DBH: variants seen among roughly 807,000 people sequenced by gnomAD.
DBH encodes dopamine beta-hydroxylase (dopamine beta-monooxygenase).
Under a neutral mutation model 64.0 loss-of-function variants are expected in DBH, and 49 were observed. The observed-to-expected ratio is 0.77, with a 90% CI of 0.61 to 0.97. The LOEUF is 0.97. DBH is among the 50% of genes least tolerant of loss of function. The probability of loss-of-function intolerance (pLI) is 0.00; values close to 1 mark genes in which losing one functional copy is unlikely to be tolerated. For synonymous variants in DBH, 343 were observed against 347.1 expected (o/e 0.99, Z 0.13); for missense variants, 828 against 826.6 (o/e 1.00, Z -0.02).
In DBH at chr9:133,636,628, T is replaced by C. The variant is rs1201340569; in HGVS notation, c.257T>C (p.Leu86Pro). ...GTGCGGAGGCTCAAGGCTGGCGTCC[T>C]GTTTGGGATGTCCGACCGTGGCGAG... ...LLVRRLKAGV[L>P]FGMSDRGELE... The change falls in exon 1 of 12, where the codon CTG becomes CCG. Residue 86 changes from leucine to proline, a missense_variant. Leu to Pro is a moderately conservative substitution (Grantham distance 98). Transcript: ENST00000393056. 1 of 1,613,374 alleles carries C rather than the reference T, an allele frequency of 6.2e-7. No homozygotes were observed. The highest frequency in any genetic ancestry group is 8.5e-7 in the Non-Finnish European group (1 of 1,180,016).
chr9:133,652,174 C>T, intron 7 of DBH, 72 bp from the exon 8 acceptor site: 1 of 1,576,334 alleles, frequency 6.3e-7, no homozygotes, highest in Middle Eastern at 1.7e-4. Flanking sequence ...AGGGAGGACA[C>T]AGTGGCCGGG....
In DBH at chr9:133,652,275, G is replaced by A. The variant is rs369001369; in HGVS notation, c.1365G>A (p.Ser455=). The A allele has an allele frequency of 9.3e-6, 15 of 1,613,504 alleles. No homozygotes were observed. The highest frequency in any genetic ancestry group is 5.3e-5 in the African/African-American group (4 of 75,032). ...QEIRMLKKVV[S]VHPGDVLITS... Reference sequence around the variant, plus strand: ...TCCGCATGTTGAAGAAGGTCGTGTCGGTCCATCCGGTGAGTGCCCAGCGGG... The same window carrying A: ...TCCGCATGTTGAAGAAGGTCGTGTCAGTCCATCCGGTGAGTGCCCAGCGGG... The change falls in exon 8 of 12, where the codon TCG becomes TCA. Residue 455 remains serine, a synonymous_variant. Coordinates refer to ENST00000393056, the MANE Select transcript of DBH (RefSeq NM_000787.4).
chr9:133,656,513 C>T lies in DBH; in HGVS notation c.1435-10C>T, dbSNP rs765523765. 5.6e-6 allele frequency: 9 copies of T among 1,613,738 alleles called. No homozygotes were observed. The highest frequency in any genetic ancestry group is 6.8e-6 in the Non-Finnish European group (8 of 1,179,980). On this transcript the variant is annotated splice_polypyrimidine_tract_variant and intron_variant, in intron 9 of 11. Coordinates refer to ENST00000393056, the MANE Select transcript of DBH (RefSeq NM_000787.4). Reference sequence around the variant, plus strand: ...TGGCCCGGGGCTGACGGGTCTCCTCCAACTTGCAGGGGGGCTTCGGGATCC... The same window carrying T: ...TGGCCCGGGGCTGACGGGTCTCCTCTAACTTGCAGGGGGGCTTCGGGATCC...
intron 6 of DBH, 57 bp from the exon 7 acceptor site, chr9:133,651,577 G>T (rs1832248326): frequency 6.2e-7 from 1 of 1,609,268 alleles, no homozygotes. Context: ...CCTGGCCATG[G>T]ACGGGAGGGT....
Position 133,643,632 on chromosome 9 carries a change from C to T in DBH, c.921+43C>T, listed in dbSNP as rs1311154908. 6.2e-7 allele frequency: 1 copy of T among 1,602,806 alleles called. No individual in the cohort carries two copies. The highest frequency in any genetic ancestry group is 8.5e-7 in the Non-Finnish European group (1 of 1,172,714). ...CCAGCATGGTGTCTCCTGCCTGGGC[C>T]CCTGGCATCCCCACACCTCTGTTTC... is the stretch of plus-strand genomic sequence containing the variant. On this transcript the variant is annotated intron_variant, in intron 4 of 11. Coordinates refer to ENST00000393056, the MANE Select transcript of DBH (RefSeq NM_000787.4). This position sits in a 1 kb window ranked among gnomAD's most constrained non-coding sequence, Gnocchi z 5.3.
intron 6 of DBH, 94 bp downstream of exon 6, chr9:133,648,106 C>G (rs1371659893): frequency 2.1e-6 from 3 of 1,426,246 alleles, no homozygotes; most frequent in Middle Eastern, 2.4e-4. Flanking sequence ...GTGGCAGGCA[C>G]AGCTTTGGTT....
At chr9:133,658,266 C>A in intron 11 of DBH, 50 bp from the exon 12 acceptor site, 1 of 1,609,402 alleles carries the variant, frequency 6.2e-7, no homozygotes, top group Non-Finnish European at 8.5e-7. Flanking sequence ...GAAGCAGCCA[C>A]CCATCTTGCC....
intron 5 of DBH, among the ~76,000 whole-genome samples, 166 bp downstream of exon 5, chr9:133,644,486 TG>T (rs761821820): frequency 5.9e-5 from 9 of 152,360 alleles, no homozygotes; most frequent in East Asian, 3.9e-4. Flanking sequence ...CTTCCATGGC[TG>T]TGGTGGGCTC....
chr9:133,656,302 C>T, intron 9 of DBH: 2 of 578,462 alleles, frequency 3.5e-6, no homozygotes, highest in Non-Finnish European at 6.3e-6. Context: ...ATCATCAGTA[C>T]CTGATACGAA....
chr9:133,643,172 C>T lies in DBH; in HGVS notation c.745-241C>T, dbSNP rs561219468. Among the ~76,000 whole-genome samples, 10 of 140,220 alleles carry T rather than the reference C, an allele frequency of 7.1e-5. No individual in the cohort carries two copies. The highest frequency in any genetic ancestry group is 2.2e-4 in the South Asian group (1 of 4,562). 92.0% of individuals were successfully genotyped at this position (140,220 alleles called of 152,430 possible). On this transcript the variant is annotated intron_variant, in intron 3 of 11. Coordinates refer to ENST00000393056, the MANE Select transcript of DBH (RefSeq NM_000787.4). The surrounding 1 kb of genome is among the most constrained non-coding windows in gnomAD (Gnocchi z 5.3). ...AGCCCCATATGCATGAGGACGGCTGCGTCCTGTCCCTGCCTTGGCCTGTAC... is the reference window on the plus strand; with the variant it reads ...AGCCCCATATGCATGAGGACGGCTGTGTCCTGTCCCTGCCTTGGCCTGTAC...
chr9:133,653,195 C>T (rs777805854), intron 9 of DBH, among the ~76,000 whole-genome samples, 196 bp downstream of exon 9: 4 of 152,118 alleles, frequency 2.6e-5, no homozygotes, highest in Non-Finnish European at 4.4e-5. Context: ...TCCTGGGTGC[C>T]ACCCCAGGCC....
Position 133,658,177 on chromosome 9 carries a change from G to C in DBH, c.1723-139G>C, listed in dbSNP as rs1398410025. The C allele has an allele frequency of 4.3e-6, 5 of 1,170,812 alleles. No individual in the cohort carries two copies. The East Asian group carries it at 7.2e-5, about 17-fold the overall frequency. The allele number at this position is 1,170,812 out of a possible 1,614,324, so 72.5% of individuals were successfully genotyped here. A position where few individuals can be genotyped will look rare whatever the true frequency, so the allele number is the denominator to read the frequency against. On this transcript the variant is annotated intron_variant, in intron 11 of 11. Coordinates refer to ENST00000393056, the MANE Select transcript of DBH (RefSeq NM_000787.4). ...GGTGAGGACCCCCAAAAAGCAACTTGGGGGAGCAGAGTGAGTTCAGTTTGA... is the reference window on the plus strand; with the variant it reads ...GGTGAGGACCCCCAAAAAGCAACTTCGGGGAGCAGAGTGAGTTCAGTTTGA...
intron 5 of DBH, among the ~76,000 whole-genome samples, chr9:133,647,427 C>T (rs577693733): frequency 2.0e-5 from 3 of 152,296 alleles, no homozygotes; most frequent in South Asian, 2.1e-4. Context: ...TTCCTTTGAA[C>T]GTGGAAGAAG....
intron 7 of DBH, 124 bp from the exon 8 acceptor site, chr9:133,652,122 G>A (rs1396461708): frequency 1.8e-6 from 2 of 1,115,444 alleles, no homozygotes; most frequent in African/African-American, 1.5e-5. Flanking sequence ...CCACTGTAGA[G>A]GCTGGGGCAA....
chr9:133,650,472 TTC>T (rs1485999123), intron 6 of DBH, among the ~76,000 whole-genome samples: 4 of 148,572 alleles, frequency 2.7e-5, no homozygotes, highest in African/African-American at 7.8e-5. Context: ...TTCTTTTTCT[TTC>T]TTTTTCTTTT....
rs368069913 is a variant in DBH, at chr9:133,648,004, A to G, written c.1183A>G (p.Thr395Ala). Reference sequence around the variant, plus strand: ...CACTGGCTACTGCACGGACAAGTGCACCCAGCTGGTGAGTGGGGCTGGGCC... The same window carrying G: ...CACTGGCTACTGCACGGACAAGTGCGCCCAGCTGGTGAGTGGGGCTGGGCC... ...ILTGYCTDKC[T>A]QLALPPSGIH... is the part of the protein sequence containing the mutation. Residue 395 changes from threonine to alanine, a missense_variant, in exon 6 of 12, where the codon ACC (threonine) becomes GCC (alanine). Transcript: ENST00000393056. 3.1e-6 allele frequency: 5 copies of G among 1,612,018 alleles called. No homozygotes were observed. The highest frequency in any genetic ancestry group is 1.3e-5 in the African/African-American group (1 of 74,910).
At chr9:133,645,149 C>T (rs1832168079) in intron 5 of DBH, among the ~76,000 whole-genome samples, 1 of 152,160 alleles carries the variant, frequency 6.6e-6, no homozygotes, top group African/African-American at 2.4e-5. Context: ...TGCCTGTTCT[C>T]CCACCTCCCA....
chr9:133,637,795 G>A (rs1832070294), intron 1 of DBH, among the ~76,000 whole-genome samples: 2 of 152,218 alleles, frequency 1.3e-5, no homozygotes, highest in Admixed American at 6.5e-5. Flanking sequence ...TGCCTGTGTC[G>A]CTAGTGAGGC....
intron 4 of DBH, 91 bp from the exon 5 acceptor site, chr9:133,644,127 T>C (rs956511765): frequency 1.0e-5 from 10 of 952,570 alleles, no homozygotes; most frequent in Non-Finnish European, 1.7e-5. Flanking sequence ...CCCCTGAGGC[T>C]CAGGCCCCAA....
Sources: gnomAD v4.1 joint callset for allele counts (sites outside exome capture counted in the v4.1 genomes callset) on GRCh38, gnomAD v4.1.1 for gene constraint, Gnocchi (gnomAD v3.1) non-coding constraint, MANE v1.5 for transcripts, NCBI Gene and HGNC (gene_info 2026-07-23, HGNC 2026-07-21) for gene names.